Variants in TRAPPC9 observed in about 807,000 individuals in gnomAD.
The protein encoded by TRAPPC9 is IKK2 binding protein.
A neutral mutation model predicts 124.0 loss-of-function variants in TRAPPC9; 83 were observed. The ratio of observed to expected loss-of-function variants is 0.67; its 90% CI spans 0.56 to 0.80. The LOEUF is 0.80. TRAPPC9 is among the 30% of genes least tolerant of loss of function. The probability of loss-of-function intolerance (pLI) is 0.00; values close to 1 mark genes in which losing one functional copy is unlikely to be tolerated. For synonymous variants in TRAPPC9, 638 were observed against 617.5 expected (o/e 1.03, Z -0.49); for missense variants, 1,302 against 1,508.3 (o/e 0.86, Z 2.27).
intron 17 of TRAPPC9, among the ~76,000 whole-genome samples, chr8:140,115,269 G>GTTTTT (rs375087383): frequency 2.0e-5 from 3 of 150,612 alleles, no homozygotes; most frequent in Non-Finnish European, 3.0e-5. Context: ...TTGTTATAAT[G>GTTTTT]GTTTTTTTTT....
intron 17 of TRAPPC9, among the ~76,000 whole-genome samples, chr8:140,200,244 G>A (rs188638922): frequency 9.2e-5 from 14 of 152,184 alleles, no homozygotes; most frequent in Admixed American, 7.2e-4. Context: ...AGATGCATAG[G>A]TTTCCTAGCG....
intron 17 of TRAPPC9, among the ~76,000 whole-genome samples, chr8:140,050,403 CACA>C (rs1232820273): frequency 2.0e-5 from 3 of 152,210 alleles, no homozygotes; most frequent in Non-Finnish European, 4.4e-5. Context: ...ATGCGGTTCT[CACA>C]ACAATTTCCC....
At position 139,728,158 on chromosome 8, in the gene TRAPPC9, T is replaced by C. The variant is rs1817646802; in HGVS notation, c.*2903A>G. Among the ~76,000 whole-genome samples, 2 of 151,922 alleles carry C rather than the reference T, an allele frequency of 1.3e-5. No individual in the cohort carries two copies. The highest frequency in any genetic ancestry group is 2.1e-4 in the South Asian group (1 of 4,806). On this transcript the variant is annotated 3_prime_UTR_variant, in exon 23 of 23. Coordinates refer to ENST00000438773, the MANE Select transcript of TRAPPC9 (RefSeq NM_001160372.4). ...AAGTAACTTGTCCAAGGTCAAGGAGTTGACAAGTGGCTGAGCTGGAGTTCA... is the reference window on the plus strand; with the variant it reads ...AAGTAACTTGTCCAAGGTCAAGGAGCTGACAAGTGGCTGAGCTGGAGTTCA...
At chr8:140,205,749 G>A (rs949825875) in intron 17 of TRAPPC9, among the ~76,000 whole-genome samples, 3 of 152,130 alleles carry the variant, frequency 2.0e-5, no homozygotes, top group African/African-American at 7.2e-5. Context: ...TTCGAATGTG[G>A]GCTCCCGCTC....
At chr8:140,331,481 A>T (rs1412542758) in intron 9 of TRAPPC9, among the ~76,000 whole-genome samples, 1 of 152,226 alleles carries the variant, frequency 6.6e-6, no homozygotes, top group East Asian at 1.9e-4. Flanking sequence ...ATGAGATTAT[A>T]TCAAACTAAA....
intron 7 of TRAPPC9, among the ~76,000 whole-genome samples, chr8:140,394,177 T>A (rs892816617): frequency 5.3e-5 from 8 of 152,244 alleles, no homozygotes; most frequent in African/African-American, 1.7e-4. Context: ...AGCATTAACT[T>A]GCAAAGGCAA....
chr8:140,128,234 G>A (rs1226541338), intron 17 of TRAPPC9, among the ~76,000 whole-genome samples: 1 of 152,214 alleles, frequency 6.6e-6, no homozygotes, highest in Non-Finnish European at 1.5e-5. Flanking sequence ...ATGCTCGGTG[G>A]TGAGACAGCC....
intron 21 of TRAPPC9, among the ~76,000 whole-genome samples, chr8:139,853,435 C>T (rs961006952): frequency 2.0e-5 from 3 of 152,200 alleles, no homozygotes; most frequent in Admixed American, 1.3e-4. Context: ...AGAGACTCTG[C>T]CCCACAGGTG....
At chr8:139,831,895 G>A (rs933171484) in intron 21 of TRAPPC9, among the ~76,000 whole-genome samples, 2 of 152,300 alleles carry the variant, frequency 1.3e-5, no homozygotes, top group South Asian at 2.1e-4. Context: ...CAGTGCTTCC[G>A]CCCACTCCGT....
intron 20 of TRAPPC9, among the ~76,000 whole-genome samples, chr8:139,893,111 G>A (rs1046137473): frequency 2.0e-5 from 3 of 152,226 alleles, no homozygotes; most frequent in African/African-American, 7.2e-5. Context: ...AAGACGTGCC[G>A]TGTTTCTCGT....
chr8:139,758,732 C>T (rs1414402498), intron 21 of TRAPPC9, among the ~76,000 whole-genome samples: 1 of 152,190 alleles, frequency 6.6e-6, no homozygotes, highest in African/African-American at 2.4e-5. Context: ...AGGAAGCTTT[C>T]CTAGCTTCAG....
chr8:140,270,063 G>A (rs2064828956), intron 15 of TRAPPC9, among the ~76,000 whole-genome samples: 1 of 151,962 alleles, frequency 6.6e-6, no homozygotes, highest in Non-Finnish European at 1.5e-5. Context: ...CCACGCCACT[G>A]CACTCCAGCC....
intron 21 of TRAPPC9, among the ~76,000 whole-genome samples, chr8:139,755,841 C>T (rs1586773056): frequency 1.5e-5 from 2 of 132,418 alleles, no homozygotes; most frequent in African/African-American, 3.0e-5. Context: ...CAGGAGGAGC[C>T]AGGGTTTGGG....
chr8:140,252,986 TA>T lies in TRAPPC9; in HGVS notation c.2279-58del. On this transcript the variant is annotated intron_variant, in intron 15 of 22. Transcript: ENST00000438773. This position sits in a 1 kb window ranked among gnomAD's most constrained non-coding sequence, Gnocchi z 4.2. ...GCTGTAACTGAGGCAGTATGGGACT[TA>T]CCAATCCCCTAGAAAATTCTGATGC... is the stretch of plus-strand genomic sequence containing the variant. 1 of 1,561,786 alleles carries T rather than the reference TA, an allele frequency of 6.4e-7. No homozygotes were observed.
Position 140,371,767 on chromosome 8 carries a change from G to A in TRAPPC9, c.1135-587C>T, listed in dbSNP as rs557116693. On this transcript the variant is annotated intron_variant, in intron 7 of 22. Coordinates refer to ENST00000438773, the MANE Select transcript of TRAPPC9 (RefSeq NM_001160372.4). ...CACTCAGGCTGGAGTGCAGTGGTAC[G>A]ATCTTGGCTCACTGCAACCTCCACC... 1.6e-3 allele frequency among the ~76,000 whole-genome samples: 246 copies of A among 151,994 alleles called. 1 individual carries two copies. Among genetic ancestry groups the A allele is most frequent in the African/African-American group, 4.7e-3 (196 of 41,436 alleles).
intron 16 of TRAPPC9, among the ~76,000 whole-genome samples, chr8:140,247,133 T>C (rs1057306479): frequency 2.0e-5 from 3 of 152,266 alleles, no homozygotes; most frequent in African/African-American, 7.2e-5. Context: ...AGCAACGATA[T>C]GTTTAATGTT....
chr8:140,454,504 G>A (rs1016757271), intron 1 of TRAPPC9, among the ~76,000 whole-genome samples: 1 of 151,126 alleles, frequency 6.6e-6, no homozygotes, highest in African/African-American at 2.4e-5. Flanking sequence ...GCCAGGCGTG[G>A]TGGCGCATGC....
At chr8:140,192,664 T>A (rs1431191491) in intron 17 of TRAPPC9, among the ~76,000 whole-genome samples, 1 of 152,250 alleles carries the variant, frequency 6.6e-6, no homozygotes, top group African/African-American at 2.4e-5. Context: ...ATGCATTGAA[T>A]GAACTGCTTG....
intron 21 of TRAPPC9, among the ~76,000 whole-genome samples, chr8:139,878,081 C>T (rs1310818828): frequency 2.0e-5 from 3 of 152,222 alleles, no homozygotes. Context: ...TAGAAAAAGC[C>T]ACTACATGTA....
Sources: gnomAD v4.1 joint callset for allele counts (sites outside exome capture counted in the v4.1 genomes callset) on GRCh38, gnomAD v4.1.1 for gene constraint, Gnocchi (gnomAD v3.1) non-coding constraint, MANE v1.5 for transcripts, NCBI Gene and HGNC (gene_info 2026-07-23, HGNC 2026-07-21) for gene names.